The following PEX6 variants were observed in gnomAD, a reference collection of about 807,000 sequenced individuals.
PEX6 encodes peroxisome biogenesis factor 6.
PEX6 carries 55 observed loss-of-function variants against 85.6 expected under a neutral mutation model. The observed-to-expected ratio is 0.64, with a 90% CI of 0.52 to 0.80. PEX6 has a LOEUF of 0.80. PEX6 is among the 30% of genes least tolerant of loss of function. The pLI, the probability that PEX6 is intolerant of heterozygous loss-of-function variation, is 0.00. For synonymous variants in PEX6, 519 were observed against 549.1 expected (o/e 0.95, Z 0.77); for missense variants, 1,099 against 1,260.3 (o/e 0.87, Z 1.94).
In PEX6 at chr6:42,974,917, C is replaced by T; in HGVS notation, c.1004G>A (p.Gly335Glu). Residue 335 changes from glycine (G) to glutamate (E), a missense_variant, in exon 2 of 17, where the codon GGA becomes GAA. Coordinates refer to ENST00000304611, the MANE Select transcript of PEX6 (RefSeq NM_000287.4). Reference sequence around the variant, plus strand: ...CCGGTAAAGAACACCGTCATAATTTCCATTAGTGCTGTAGTGGGGAGAAGA... The same window carrying T: ...CCGGTAAAGAACACCGTCATAATTTTCATTAGTGCTGTAGTGGGGAGAAGA... ...IVSSPHYSTN[G>E]NYDGVLYRHF... The T allele has an allele frequency of 6.2e-7, 1 of 1,614,016 alleles. No homozygotes were observed. Among genetic ancestry groups the T allele is most frequent in the South Asian group, 1.1e-5 (1 of 91,078 alleles).
chr6:42,968,033 G>A (rs547659277), intron 7 of PEX6, among the ~76,000 whole-genome samples: 59 of 146,976 alleles, frequency 4.0e-4, no homozygotes, highest in African/African-American at 1.4e-3. Context: ...TGCAACCTCC[G>A]CCTCCTGGGC....
Position 42,971,850 on chromosome 6 carries a change from A to G in PEX6, c.1131-1863T>C, listed in dbSNP as rs951258277. Among the ~76,000 whole-genome samples the G allele has an allele frequency of 6.6e-6, 1 of 152,112 alleles. No homozygotes were observed. Among genetic ancestry groups the G allele is most frequent in the African/African-American group, 2.4e-5 (1 of 41,460 alleles). On this transcript the variant is annotated intron_variant, in intron 3 of 16. Coordinates refer to ENST00000304611, the MANE Select transcript of PEX6 (RefSeq NM_000287.4). The surrounding 1 kb of genome is among the most constrained non-coding windows in gnomAD (Gnocchi z 4.4). ...CTAGTGCCTATTTTCCTTTGAAAGT[A>G]CAAAGAGTGGGCATTCTGTAGTTTT...
intron 5 of PEX6, 130 bp downstream of exon 5, chr6:42,969,538 T>G: frequency 1.8e-6 from 2 of 1,130,190 alleles, no homozygotes; most frequent in Non-Finnish European, 2.7e-6. Flanking sequence ...GTGTAGGACA[T>G]ACTGGTTTGA....
Position 42,965,287 on chromosome 6 carries a change from T to C in PEX6, c.2553A>G (p.Pro851=). ...DVFVIGATNR[P]DLLDPALLRP... ...GCAGAAGGGCAGGGTCCAGGAGATC[T>C]GGTCTGTTGGTGGCTCCAATCACAA... is the stretch of plus-strand genomic sequence containing the variant. The change falls in exon 14 of 17, where the codon CCA becomes CCG. Residue 851 remains proline, a synonymous_variant. Transcript: ENST00000304611. This position sits in a 1 kb window ranked among gnomAD's most constrained non-coding sequence, Gnocchi z 5.0. The C allele has an allele frequency of 6.2e-7, 1 of 1,614,170 alleles. No individual in the cohort carries two copies. The highest frequency in any genetic ancestry group is 8.5e-7 in the Non-Finnish European group (1 of 1,179,984).
intron 3 of PEX6, among the ~76,000 whole-genome samples, chr6:42,972,945 A>T (rs947310059): frequency 1.3e-5 from 2 of 152,174 alleles, no homozygotes; most frequent in African/African-American, 4.8e-5. Context: ...AAGAACGGAA[A>T]GGAAGGAATC....
In PEX6 at chr6:42,968,865, G is replaced by T. The variant is rs1479731693; in HGVS notation, c.1479+9C>A. 1.3e-6 allele frequency: 2 copies of T among 1,591,708 alleles called. No homozygotes were observed. Among genetic ancestry groups the T allele is most frequent in the East Asian group, 4.5e-5 (2 of 44,790 alleles). On this transcript the variant is annotated intron_variant, in intron 6 of 16. Transcript: ENST00000304611. ...AGTAGCTGGGGTTCTACTCTCCAGA[G>T]ACCCTCACCTTCAGTAAGTGGAGCC...
Position 42,964,557 on chromosome 6 carries a change from A to G in PEX6, c.2807-86T>C. On this transcript the variant is annotated intron_variant, in intron 16 of 16. Coordinates refer to ENST00000304611, the MANE Select transcript of PEX6 (RefSeq NM_000287.4). This position sits in a 1 kb window ranked among gnomAD's most constrained non-coding sequence, Gnocchi z 4.6. The stretch of plus-strand genomic sequence containing the variant: ...GGTGGCTTCCTGCTCAGGGTCTCCT[A>G]GATGTCAATGATCTTCCCTCTGGAA... 6.7e-7 allele frequency: 1 copy of G among 1,501,254 alleles called. No homozygotes were observed. Among genetic ancestry groups the G allele is most frequent in the East Asian group, 2.3e-5 (1 of 44,334 alleles). 93.0% of individuals were successfully genotyped at this position (1,501,254 alleles called of 1,614,324 possible). A position where few individuals can be genotyped will look rare whatever the true frequency, so the allele number is the denominator to read the frequency against.
rs1011262098 is a variant in PEX6 at position 42,966,596 on chromosome 6, G to A, written c.2023C>T (p.Leu675=). 3 of 1,614,078 alleles carry A rather than the reference G, an allele frequency of 1.9e-6. No individual in the cohort carries two copies. In the Admixed American group the frequency reaches 5.0e-5, roughly 27 times the overall value. The part of the protein sequence containing the change: ...GELCAAGFPL[L]AEDFGQALEQ... ...AGTGCCTGCCCAAAGTCCTCAGCCA[G>A]GAGAGGAAAGCCGGCAGCACACAGC... Residue 675 remains leucine, a synonymous_variant, in exon 10 of 17, where the codon CTG becomes TTG. Transcript: ENST00000304611.
chr6:42,965,927 C>G lies in PEX6; in HGVS notation c.2362+117G>C. On this transcript the variant is annotated intron_variant, in intron 12 of 16. Transcript: ENST00000304611. The surrounding 1 kb of genome is among the most constrained non-coding windows in gnomAD (Gnocchi z 5.0). ...GTACTAGACCCAGCTGGGCAGGAAC[C>G]TGACTTGTAGAAAGGAGGATTAGGA... 7.2e-7 allele frequency: 1 copy of G among 1,394,904 alleles called. No individual in the cohort carries two copies. Among genetic ancestry groups the G allele is most frequent in the Non-Finnish European group, 1.0e-6 (1 of 984,216 alleles). The allele number at this position is 1,394,904 out of a possible 1,614,324, so 86.4% of individuals were successfully genotyped here. A position where few individuals can be genotyped will look rare whatever the true frequency, so the allele number is the denominator to read the frequency against.
rs757254854 is a variant in PEX6 at position 42,964,354 on chromosome 6, C to A, written c.2924G>T (p.Arg975Leu). ...GGGCTCCTAGCAGGCAGCAAACTTG[C>A]GCTGGATGCGCTTGTACCGGAGCAG... is the stretch of plus-strand genomic sequence containing the variant. ...QELLRYKRIQ[R>L]KFAAC The change falls in exon 17 of 17, where the codon CGC (arginine) becomes CTC (leucine). Residue 975 changes from arginine (R) to leucine (L), a missense_variant. By Grantham distance (102) the Arg-to-Leu change is moderately radical. This residue lies in a region of PEX6 where 514 missense variants were observed against 627.0 expected (regional missense o/e 0.82). Coordinates refer to ENST00000304611, the MANE Select transcript of PEX6 (RefSeq NM_000287.4). This position sits in a 1 kb window ranked among gnomAD's most constrained non-coding sequence, Gnocchi z 4.6. The A allele has an allele frequency of 4.9e-5, 79 of 1,613,658 alleles. No homozygotes were observed. The East Asian group carries it at 4.9e-4, about 10-fold the overall frequency.
chr6:42,964,510 A>T lies in PEX6; in HGVS notation c.2807-39T>A. The T allele has an allele frequency of 6.2e-7, 1 of 1,611,478 alleles. No individual in the cohort carries two copies. The highest frequency in any genetic ancestry group is 8.5e-7 in the Non-Finnish European group (1 of 1,179,408). ...GGTGGGGAGGCTGTGGTCTATGCCCAGGCAGGGGAGAGCCCTGCGAAGGTG... is the reference window on the plus strand; with the variant it reads ...GGTGGGGAGGCTGTGGTCTATGCCCTGGCAGGGGAGAGCCCTGCGAAGGTG... On this transcript the variant is annotated intron_variant, in intron 16 of 16. Coordinates refer to ENST00000304611, the MANE Select transcript of PEX6 (RefSeq NM_000287.4). This position sits in a 1 kb window ranked among gnomAD's most constrained non-coding sequence, Gnocchi z 4.6.
rs1203324105 is a variant in PEX6 at position 42,965,032 on chromosome 6, C to T, written c.2666+43G>A. 1.2e-6 allele frequency: 2 copies of T among 1,612,676 alleles called. No homozygotes were observed. The highest frequency in any genetic ancestry group is 2.2e-5 in the South Asian group (2 of 91,060). ...ATGTTGCATGCATCCCCTAAGCATC[C>T]CAAGGCCCAAGCCCTTCGCAGTCTT... On this transcript the variant is annotated intron_variant, in intron 15 of 16. Coordinates refer to ENST00000304611, the MANE Select transcript of PEX6 (RefSeq NM_000287.4). This position sits in a 1 kb window ranked among gnomAD's most constrained non-coding sequence, Gnocchi z 5.0.
chr6:42,971,406 G>T lies in PEX6; in HGVS notation c.1131-1419C>A, dbSNP rs922587150. ...GGAGAGACCACCTTCTTCAGTGGAG[G>T]GTGGTTGGACCACCTCAGTGAATAG... On this transcript the variant is annotated intron_variant, in intron 3 of 16. Transcript: ENST00000304611. The surrounding 1 kb of genome is among the most constrained non-coding windows in gnomAD (Gnocchi z 4.4). 6.6e-6 allele frequency among the ~76,000 whole-genome samples: 1 copy of T among 152,210 alleles called. No individual in the cohort carries two copies. Among genetic ancestry groups the T allele is most frequent in the Non-Finnish European group, 1.5e-5 (1 of 68,038 alleles).
rs201329563 is a variant in PEX6, at chr6:42,978,375, G to A, written c.776C>T (p.Ser259Phe). ...AGCGAGGGGCTCTCCCAGCGGTCCA[G>A]AGCCGGGTCCCAGTCTATCAGAGAG... is the stretch of plus-strand genomic sequence containing the variant. ...WDLSDRLGPG[S>F]GPLGEPLADG... The change falls in exon 1 of 17, where the codon TCT becomes TTT. Residue 259 changes from serine to phenylalanine, a missense_variant. By Grantham distance (155) the Ser-to-Phe change is radical. Transcript: ENST00000304611. 1.9e-6 allele frequency: 3 copies of A among 1,614,086 alleles called. No individual in the cohort carries two copies. The highest frequency in any genetic ancestry group is 2.5e-6 in the Non-Finnish European group (3 of 1,180,048).
intron 5 of PEX6, 94 bp downstream of exon 5, chr6:42,969,574 G>T: frequency 6.7e-7 from 1 of 1,503,630 alleles, no homozygotes; most frequent in African/African-American, 1.4e-5. Flanking sequence ...TCCCACTCTG[G>T]CCAGTTCATT....
rs1391951457 is a variant in PEX6 at position 42,971,742 on chromosome 6, T to C, written c.1131-1755A>G. 6.6e-6 allele frequency among the ~76,000 whole-genome samples: 1 copy of C among 152,248 alleles called. No homozygotes were observed. Among genetic ancestry groups the C allele is most frequent in the Non-Finnish European group, 1.5e-5 (1 of 68,052 alleles). On this transcript the variant is annotated intron_variant, in intron 3 of 16. Transcript: ENST00000304611. The surrounding 1 kb of genome is among the most constrained non-coding windows in gnomAD (Gnocchi z 4.4). ...GGGAAAAGAACTATGTGCTCGGCAC[T>C]CAGGAGGAAAGCAGGGTTCTACAGA...
In PEX6 at chr6:42,978,332, G is replaced by A. The variant is rs748814053; in HGVS notation, c.819C>T (p.Val273=). 7 of 1,614,074 alleles carry A rather than the reference G, an allele frequency of 4.3e-6. No individual in the cohort carries two copies. The African/African-American group carries it at 9.3e-5, about 22-fold the overall frequency. ...CAAGATTAAAAGCCAAAGTGGCAGG[G>A]ACAAGCGCCAGTCCGTCAGCGAGGG... ...GEPLADGLAL[V]PATLAFNLGC... Residue 273 remains valine (V), a synonymous_variant, in exon 1 of 17, where the codon GTC becomes GTT. Coordinates refer to ENST00000304611, the MANE Select transcript of PEX6 (RefSeq NM_000287.4).
At chr6:42,974,455 T>G (rs1237725532) in intron 2 of PEX6, among the ~76,000 whole-genome samples, 5 of 121,332 alleles carry the variant, frequency 4.1e-5, no homozygotes. Context: ...TTTTTTGTTT[T>G]TTTTTTTTTT....
At chr6:42,966,163 C>G (rs1187707333) in intron 11 of PEX6, 58 bp from the exon 12 acceptor site, 1 of 1,609,948 alleles carries the variant, frequency 6.2e-7, no homozygotes, top group African/African-American at 1.3e-5. Context: ...CACAATTGAC[C>G]TCTTGGGCAG....
Sources: gnomAD v4.1 joint callset for allele counts (sites outside exome capture counted in the v4.1 genomes callset) on GRCh38, gnomAD v4.1.1 for gene constraint, gnomAD v4.1.1 regional missense constraint, Gnocchi (gnomAD v3.1) non-coding constraint, MANE v1.5 for transcripts, NCBI Gene and HGNC (gene_info 2026-07-23, HGNC 2026-07-21) for gene names.